Variants in ITPKB observed in about 807,000 individuals in gnomAD.
The protein encoded by ITPKB is IP3 3-kinase B.
A neutral mutation model predicts 69.4 loss-of-function variants in ITPKB; 13 were observed. The observed-to-expected ratio is 0.19, with a 90% confidence interval of 0.12 to 0.30. The LOEUF is 0.30. Among genes scored for constraint, ITPKB ranks in the 10% least tolerant of loss-of-function variants. The pLI is 1.00. For synonymous variants in ITPKB, 584 were observed against 513.7 expected, an observed-to-expected ratio of 1.14 and a Z score of -1.85; for missense variants, 1,240 against 1,250.5, an observed-to-expected ratio of 0.99 and a Z score of 0.13.
chr1:226,636,752 CTGTGTGTG>C (rs3831353), intron 7 of ITPKB, among the ~76,000 whole-genome samples: 2,573 of 140,084 alleles, frequency 0.018, 60 homozygotes, highest in Admixed American at 0.072. Flanking sequence ...GACTGCAGCT[CTGTGTGTG>C]TGTGTGTGTG....
intron 2 of ITPKB, among the ~76,000 whole-genome samples, chr1:226,673,611 C>T (rs572993558): frequency 1.3e-5 from 2 of 152,310 alleles, no homozygotes; most frequent in Non-Finnish European, 2.9e-5. Flanking sequence ...GTATGGAAAT[C>T]TTTGACAGGT....
At chr1:226,683,887 A>G (rs1476410007) in intron 2 of ITPKB, among the ~76,000 whole-genome samples, 2 of 152,170 alleles carry the variant, frequency 1.3e-5, no homozygotes, top group Non-Finnish European at 2.9e-5. Context: ...AAAGAAATGA[A>G]GGTACCACAA....
Position 226,738,271 on chromosome 1 carries a change from CTG to C in ITPKB, c.-205-610_-205-609del, listed in dbSNP as rs1323199630. ...TACCTTCCTGACCCTAGCCTTGGGG[CTG>C]TGTCTCTCGGCCTACGAAGGCCTGG... On this transcript the variant is annotated intron_variant, in intron 1 of 7. Coordinates refer to ENST00000429204, the MANE Select transcript of ITPKB (RefSeq NM_002221.4). This position sits in a 1 kb window ranked among gnomAD's most constrained non-coding sequence, Gnocchi z 4.2. 6.6e-6 allele frequency among the ~76,000 whole-genome samples: 1 copy of C among 152,214 alleles called. No individual in the cohort carries two copies. Among genetic ancestry groups the C allele is most frequent in the Non-Finnish European group, 1.5e-5 (1 of 68,028 alleles).
intron 2 of ITPKB, among the ~76,000 whole-genome samples, chr1:226,671,875 A>G (rs1669624884): frequency 6.6e-6 from 1 of 152,334 alleles, no homozygotes; most frequent in Admixed American, 6.5e-5. Context: ...AATATATCAC[A>G]TATGAGGTCA....
intron 2 of ITPKB, among the ~76,000 whole-genome samples, chr1:226,650,516 A>G (rs1372964089): frequency 6.6e-6 from 1 of 152,268 alleles, no homozygotes; most frequent in Non-Finnish European, 1.5e-5. Context: ...ATAAACAATC[A>G]GGGCACACAA....
chr1:226,715,646 A>G (rs1289782689), intron 2 of ITPKB, among the ~76,000 whole-genome samples: 5 of 152,246 alleles, frequency 3.3e-5, no homozygotes, highest in African/African-American at 1.2e-4. Flanking sequence ...TGAGTCAGGA[A>G]TGTAACAAGA....
intron 2 of ITPKB, among the ~76,000 whole-genome samples, chr1:226,715,246 G>A (rs1028000551): frequency 6.6e-6 from 1 of 152,224 alleles, no homozygotes; most frequent in South Asian, 2.1e-4. Context: ...CACCATGAAC[G>A]TTTGTGAACT....
At chr1:226,715,245 C>A (rs147153194) in intron 2 of ITPKB, among the ~76,000 whole-genome samples, 1 of 152,220 alleles carries the variant, frequency 6.6e-6, no homozygotes, top group Non-Finnish European at 1.5e-5. Flanking sequence ...ACACCATGAA[C>A]GTTTGTGAAC....
chr1:226,675,746 T>C (rs1470037919), intron 2 of ITPKB, among the ~76,000 whole-genome samples: 1 of 152,210 alleles, frequency 6.6e-6, no homozygotes. Flanking sequence ...GAATCCTTCA[T>C]AGGATGAAAC....
At chr1:226,676,558 C>T (rs1350081729) in intron 2 of ITPKB, among the ~76,000 whole-genome samples, 3 of 152,340 alleles carry the variant, frequency 2.0e-5, no homozygotes, top group Non-Finnish European at 4.4e-5. Context: ...CAAGACATGC[C>T]CTTCCCGGCT....
chr1:226,735,080 A>C (rs1041457763), intron 2 of ITPKB, among the ~76,000 whole-genome samples: 1 of 152,236 alleles, frequency 6.6e-6, no homozygotes, highest in Non-Finnish European at 1.5e-5. Context: ...GTAGAGGCTA[A>C]CTTAATTTGA....
chr1:226,685,532 C>G (rs1656187061), intron 2 of ITPKB, among the ~76,000 whole-genome samples: 1 of 152,212 alleles, frequency 6.6e-6, no homozygotes, highest in Non-Finnish European at 1.5e-5. Context: ...CAGATGAGCT[C>G]TGGGCCTCCC....
intron 2 of ITPKB, among the ~76,000 whole-genome samples, chr1:226,702,124 G>A (rs1169058507): frequency 1.3e-5 from 2 of 152,148 alleles, no homozygotes. Flanking sequence ...GGCCCGGCAC[G>A]GTGGTTCATG....
chr1:226,708,945 G>C (rs1656876821), intron 2 of ITPKB, among the ~76,000 whole-genome samples: 1 of 152,170 alleles, frequency 6.6e-6, no homozygotes, highest in African/African-American at 2.4e-5. Context: ...TTCCATTCTG[G>C]GGGAGAGCCT....
intron 2 of ITPKB, among the ~76,000 whole-genome samples, chr1:226,713,612 G>A (rs886623238): frequency 1.3e-5 from 2 of 152,320 alleles, no homozygotes; most frequent in Admixed American, 6.5e-5. Flanking sequence ...TTTGTTCGGG[G>A]TTTACTAAAA....
At position 226,641,902 on chromosome 1, in the gene ITPKB, C is replaced by G. The variant is rs1668971228; in HGVS notation, c.2451+19G>C. 2 of 1,606,848 alleles carry G rather than the reference C, an allele frequency of 1.2e-6. No homozygotes were observed. The highest frequency in any genetic ancestry group is 8.5e-7 in the Non-Finnish European group (1 of 1,175,418). ...GGGCACGGGTGGGGCCCGAGGCTGC[C>G]CTCACTCGCCGGCCTCACCTTGATT... On this transcript the variant is annotated intron_variant, in intron 5 of 7. Coordinates refer to ENST00000429204, the MANE Select transcript of ITPKB (RefSeq NM_002221.4). The surrounding 1 kb of genome is among the most constrained non-coding windows in gnomAD (Gnocchi z 4.6).
intron 3 of ITPKB, among the ~76,000 whole-genome samples, chr1:226,648,395 A>G (rs574538587): frequency 1.3e-5 from 2 of 152,314 alleles, no homozygotes; most frequent in African/African-American, 4.8e-5. Flanking sequence ...GACAGAAAGA[A>G]AGAGACTGGA....
chr1:226,635,905 G>A (rs1415573615), intron 7 of ITPKB, among the ~76,000 whole-genome samples: 2 of 152,250 alleles, frequency 1.3e-5, no homozygotes, highest in Non-Finnish European at 2.9e-5. Context: ...GAGGAAGGCC[G>A]GGGGCACAGA....
chr1:226,654,989 G>A (rs1669263596), intron 2 of ITPKB, among the ~76,000 whole-genome samples: 1 of 150,958 alleles, frequency 6.6e-6, no homozygotes, highest in South Asian at 2.1e-4. Flanking sequence ...AGAGAGAAGG[G>A]AGAGCAGGAG....
Sources: gnomAD v4.1 joint callset for allele counts (sites outside exome capture counted in the v4.1 genomes callset) on GRCh38, gnomAD v4.1.1 for gene constraint, Gnocchi (gnomAD v3.1) non-coding constraint, MANE v1.5 for transcripts, NCBI Gene and HGNC (gene_info 2026-07-23, HGNC 2026-07-21) for gene names.